The following WASF1 variants were observed in gnomAD, a reference collection of about 807,000 sequenced individuals.
The protein encoded by WASF1 is WASP family member 1, also known as actin-binding protein WASF1.
Under a neutral mutation model 50.5 loss-of-function variants are expected in WASF1, and 7 were observed. The observed-to-expected ratio is 0.14, with a 90% CI of 0.08 to 0.26. The LOEUF (loss-of-function observed/expected upper bound fraction) is 0.26, where lower values mean the gene tolerates loss of function less well. Ranked by LOEUF, WASF1 falls within the 10% of genes least tolerant of loss-of-function variation. The pLI is 1.00. For missense variants in WASF1, 470 were observed against 694.7 expected, an observed-to-expected ratio of 0.68 and a Z score of 3.64; for synonymous variants, 205 against 244.0, an observed-to-expected ratio of 0.84 and a Z score of 1.49.
intron 3 of WASF1, among the ~76,000 whole-genome samples, chr6:110,145,602 T>C (rs1045579017): frequency 2.0e-5 from 3 of 152,298 alleles, no homozygotes; most frequent in South Asian, 2.1e-4. Context: ...GGGTTTGTCA[T>C]AGGTAGCTCT....
Position 110,102,170 on chromosome 6 carries a change from C to A in WASF1, c.940G>T (p.Gly314Cys). The part of the protein sequence containing the change: ...IENRPQSPAT[G>C]RTPVFVSPTP... ...GGGCTCACAAACACAGGTGTTCTGC[C>A]TGTAGCTGGTGACTGAGGGCGATTT... The change falls in exon 10 of 11, where the codon GGC (glycine) becomes TGC (cysteine). Residue 314 changes from glycine (G) to cysteine (C), a missense_variant. By Grantham distance (159) the Gly-to-Cys change is radical. This residue lies in a region of WASF1 where 294 missense variants were observed against 343.5 expected (regional missense o/e 0.86). Coordinates refer to ENST00000392589, the MANE Select transcript of WASF1 (RefSeq NM_003931.3). 1 of 1,435,846 alleles carries A rather than the reference C, an allele frequency of 7.0e-7. No homozygotes were observed. Among genetic ancestry groups the A allele is most frequent in the Non-Finnish European group, 9.2e-7 (1 of 1,092,252 alleles). The allele number at this position is 1,435,846 out of a possible 1,614,324, so 88.9% of individuals were successfully genotyped here. A position where few individuals can be genotyped will look rare whatever the true frequency, so the allele number is the denominator to read the frequency against.
At position 110,099,882 on chromosome 6, in the gene WASF1, G is replaced by C. The variant is rs1398791427; in HGVS notation, c.*640C>G. 1 of 152,590 alleles carries C rather than the reference G, an allele frequency of 6.6e-6. No homozygotes were observed. The highest frequency in any genetic ancestry group is 1.5e-5 in the Non-Finnish European group (1 of 68,030). The allele number at this position is 152,590 out of a possible 1,614,324, so 9.5% of individuals were successfully genotyped here. A position where few individuals can be genotyped will look rare whatever the true frequency, so the allele number is the denominator to read the frequency against. ...TTCTTAACAGTTATGTAAGTTACATGTATGTTTAAGTCAGAGTATTTCACA... is the reference window on the plus strand; with the variant it reads ...TTCTTAACAGTTATGTAAGTTACATCTATGTTTAAGTCAGAGTATTTCACA... On this transcript the variant is annotated 3_prime_UTR_variant, in exon 11 of 11. Transcript: ENST00000392589.
At chr6:110,153,097 A>C (rs1775896199) in intron 3 of WASF1, among the ~76,000 whole-genome samples, 1 of 152,128 alleles carries the variant, frequency 6.6e-6, no homozygotes, top group Non-Finnish European at 1.5e-5. Flanking sequence ...TCCGGTTTTG[A>C]TTATTGTAAA....
intron 4 of WASF1, among the ~76,000 whole-genome samples, chr6:110,114,712 G>GAA (rs1276952291): frequency 2.0e-5 from 3 of 151,532 alleles, no homozygotes; most frequent in Admixed American, 1.3e-4. Flanking sequence ...TGTCACAAGA[G>GAA]AAGCTGCAGC....
chr6:110,172,788 A>G (rs1776772441), intron 2 of WASF1, among the ~76,000 whole-genome samples: 1 of 152,076 alleles, frequency 6.6e-6, no homozygotes, highest in Admixed American at 6.6e-5. Context: ...TGAAGAGTGG[A>G]AGGATAGATG....
chr6:110,146,074 T>A (rs1463517878), intron 3 of WASF1, among the ~76,000 whole-genome samples: 1 of 152,050 alleles, frequency 6.6e-6, no homozygotes, highest in East Asian at 1.9e-4. Context: ...ATGGCACACG[T>A]ATACATATGT....
chr6:110,148,038 C>T (rs905120591), intron 3 of WASF1, among the ~76,000 whole-genome samples: 1 of 152,174 alleles, frequency 6.6e-6, no homozygotes, highest in African/African-American at 2.4e-5. Context: ...TGAGCCACTG[C>T]ACCCAACCAC....
intron 2 of WASF1, among the ~76,000 whole-genome samples, chr6:110,168,817 T>A (rs918769787): frequency 2.0e-5 from 3 of 152,090 alleles, no homozygotes; most frequent in African/African-American, 7.2e-5. Context: ...ACATGAATAT[T>A]CTACCCTATC....
chr6:110,113,491 T>C, intron 4 of WASF1, 31 bp from the exon 5 acceptor site: 1 of 1,553,610 alleles, frequency 6.4e-7, no homozygotes, highest in Admixed American at 2.0e-5. Context: ...TATCATAAAA[T>C]TTAACATCCA....
chr6:110,102,565 C>A (rs909733245), intron 9 of WASF1, among the ~76,000 whole-genome samples: 3 of 152,052 alleles, frequency 2.0e-5, no homozygotes, highest in Admixed American at 1.3e-4. Flanking sequence ...GATCATAATG[C>A]AATTTTGTGG....
chr6:110,169,595 A>G (rs1265090504), intron 2 of WASF1, among the ~76,000 whole-genome samples: 1 of 152,116 alleles, frequency 6.6e-6, no homozygotes. Flanking sequence ...GAACTCTGAA[A>G]TCAGTCCCCA....
At chr6:110,148,128 T>C (rs908812492) in intron 3 of WASF1, among the ~76,000 whole-genome samples, 1 of 152,192 alleles carries the variant, frequency 6.6e-6, no homozygotes, top group East Asian at 1.9e-4. Flanking sequence ...ACTAAGCTAC[T>C]TGAAAAACAA....
At chr6:110,109,322 C>G (rs1166664168) in intron 5 of WASF1, among the ~76,000 whole-genome samples, 1 of 152,128 alleles carries the variant, frequency 6.6e-6, no homozygotes, top group African/African-American at 2.4e-5. Context: ...CATTAGTATT[C>G]CCAGTCACTA....
At chr6:110,105,617 GCGCT>G in intron 7 of WASF1, 38 bp from the exon 8 acceptor site, 1 of 1,591,430 alleles carries the variant, frequency 6.3e-7, no homozygotes, top group Admixed American at 1.7e-5. Flanking sequence ...AAATGCTTAA[GCGCT>G]AATTTTTAAA....
chr6:110,162,116 CT>C (rs1242367562), intron 2 of WASF1, among the ~76,000 whole-genome samples: 1 of 151,290 alleles, frequency 6.6e-6, no homozygotes, highest in Non-Finnish European at 1.5e-5. Flanking sequence ...ATTCAATGTA[CT>C]TTTCAAAGAG....
chr6:110,154,757 C>T (rs536221095), intron 3 of WASF1, among the ~76,000 whole-genome samples: 3 of 152,016 alleles, frequency 2.0e-5, no homozygotes, highest in African/African-American at 7.2e-5. Flanking sequence ...AATATTGCAA[C>T]GGAGTCATTT....
At position 110,107,038 on chromosome 6, in the gene WASF1, T is replaced by C. The variant is rs764451271; in HGVS notation, c.540+39A>G. 41 of 1,409,962 alleles carry C rather than the reference T, an allele frequency of 2.9e-5. No individual in the cohort carries two copies. In the Middle Eastern group the frequency reaches 2.7e-3, roughly 92 times the overall value. 87.3% of individuals were successfully genotyped at this position (1,409,962 alleles called of 1,614,324 possible). A position where few individuals can be genotyped will look rare whatever the true frequency, so the allele number is the denominator to read the frequency against. On this transcript the variant is annotated intron_variant, in intron 7 of 10. Coordinates refer to ENST00000392589, the MANE Select transcript of WASF1 (RefSeq NM_003931.3). Reference sequence around the variant, plus strand: ...CAATATATGCAACAAAACACAAATATACAAAAATTAACCTCAATTTTTTAA... The same window carrying C: ...CAATATATGCAACAAAACACAAATACACAAAAATTAACCTCAATTTTTTAA...
chr6:110,167,003 A>G lies in WASF1; in HGVS notation c.-126-6271T>C, dbSNP rs565332193. Among the ~76,000 whole-genome samples, 336 of 152,064 alleles carry G rather than the reference A, an allele frequency of 2.2e-3. 2 individuals are homozygous for G. Among genetic ancestry groups the G allele is most frequent in the South Asian group, 3.9e-3 (19 of 4,826 alleles). ...CATGAGTTTCAGTCAGTGATGGACC[A>G]CATATATGTTGGTAGTCACATAAGG... On this transcript the variant is annotated intron_variant, in intron 2 of 10. Transcript: ENST00000392589.
chr6:110,148,465 T>C (rs1160361085), intron 3 of WASF1, among the ~76,000 whole-genome samples: 3 of 152,142 alleles, frequency 2.0e-5, no homozygotes, highest in South Asian at 2.1e-4. Flanking sequence ...AAAGGATTAT[T>C]AGCTAAGCTA....
Sources: allele counts gnomAD v4.1 joint callset (sites outside exome capture counted in the v4.1 genomes callset), GRCh38; gene constraint gnomAD v4.1.1; regional missense constraint gnomAD v4.1.1; transcripts MANE v1.5; gene names NCBI Gene and HGNC (gene_info 2026-07-23, HGNC 2026-07-21).